LVRN: variants seen among roughly 807,000 people sequenced by gnomAD.
LVRN encodes the protein aminopeptidase Q.
Under a neutral mutation model 111.4 loss-of-function variants are expected in LVRN, and 99 were observed. The observed-to-expected ratio is 0.89, with a 90% CI of 0.76 to 1.05. The LOEUF (loss-of-function observed/expected upper bound fraction) is 1.05. LVRN is among the 50% of genes least tolerant of loss of function. The probability of loss-of-function intolerance (pLI) is 0.00; values close to 1 mark genes in which losing one functional copy is unlikely to be tolerated. For missense variants in LVRN, 1,414 were observed against 1,206.8 expected, an observed-to-expected ratio of 1.17 and a Z score of -2.54; for synonymous variants, 488 against 449.5, an observed-to-expected ratio of 1.09 and a Z score of -1.08.
intron 19 of LVRN, among the ~76,000 whole-genome samples, chr5:116,023,938 C>T (rs531192163): frequency 1.3e-5 from 2 of 152,198 alleles, no homozygotes; most frequent in East Asian, 3.9e-4. Context: ...GTAATATATC[C>T]ACATAATGGA....
In LVRN at chr5:115,987,939, G is replaced by A. The variant is rs370473265; in HGVS notation, c.1105G>A (p.Asp369Asn). 8 of 1,608,968 alleles carry A rather than the reference G, an allele frequency of 5.0e-6. No individual in the cohort carries two copies. The African/African-American group carries it at 1.1e-4, about 22-fold the overall frequency. Residue 369 changes from aspartate (D) to asparagine (N), a missense_variant and splice_region_variant, in exon 4 of 20, where the codon GAT becomes AAT. Physicochemically the swap from Asp to Asn is conservative, Grantham distance 23. Coordinates refer to ENST00000357872, the MANE Select transcript of LVRN (RefSeq NM_173800.5). ...TATCAGTTACTCTCTTCCAAAAACA[G>A]GTGAGGTAATCTTTTCCTTTCAGTG... ...FNISYSLPKT[D>N]IIALPSFDNH...
intron 3 of LVRN, 39 bp from the exon 4 acceptor site, chr5:115,987,774 A>T (rs1323739138): frequency 6.3e-7 from 1 of 1,591,014 alleles, no homozygotes. Flanking sequence ...CAAAATCACT[A>T]CTGGTTTTCC....
intron 4 of LVRN, among the ~76,000 whole-genome samples, chr5:115,989,656 C>G (rs1428656054): frequency 6.6e-6 from 1 of 152,156 alleles, no homozygotes; most frequent in Non-Finnish European, 1.5e-5. Flanking sequence ...ATACATGTGA[C>G]TAGTTCAGTA....
At chr5:116,020,003 T>C (rs1331032930) in intron 18 of LVRN, 1 of 152,334 alleles carries the variant, frequency 6.6e-6, no homozygotes, top group African/African-American at 2.4e-5. Flanking sequence ...ACATCGCCAA[T>C]AGCAGTGCAG....
chr5:115,987,510 C>G (rs569360399), intron 3 of LVRN, among the ~76,000 whole-genome samples: 1 of 152,246 alleles, frequency 6.6e-6, no homozygotes, highest in Non-Finnish European at 1.5e-5. Flanking sequence ...CCTATAGAAT[C>G]TACACTTACT....
intron 1 of LVRN, among the ~76,000 whole-genome samples, chr5:115,970,240 G>A (rs746959291): frequency 7.9e-5 from 12 of 151,992 alleles, no homozygotes; most frequent in Non-Finnish European, 1.8e-4. Flanking sequence ...CTACATCACT[G>A]TAACCTTCTT....
At chr5:115,963,387 C>G in intron 1 of LVRN, 75 bp downstream of exon 1, 2 of 1,261,736 alleles carry the variant, frequency 1.6e-6, no homozygotes, top group Non-Finnish European at 2.2e-6. Flanking sequence ...GTCCAGCTGA[C>G]TACCGTGTCC....
intron 13 of LVRN, among the ~76,000 whole-genome samples, chr5:116,009,983 A>T (rs76247030): frequency 6.6e-6 from 1 of 152,226 alleles, no homozygotes; most frequent in South Asian, 2.1e-4. Context: ...AGCATCGCAT[A>T]CTACAGAAAA....
chr5:115,991,971 G>T, intron 4 of LVRN, 152 bp from the exon 5 acceptor site: 1 of 617,544 alleles, frequency 1.6e-6, no homozygotes, highest in Non-Finnish European at 2.7e-6. Flanking sequence ...TTTTGTCTTT[G>T]GCATTAGTCT....
chr5:115,987,484 C>G (rs1293612696), intron 3 of LVRN, among the ~76,000 whole-genome samples: 2 of 151,748 alleles, frequency 1.3e-5, no homozygotes, highest in East Asian at 1.9e-4. Flanking sequence ...AGCAAGGGCC[C>G]AAAGTGCACA....
chr5:115,985,168 C>A (rs1467327553), intron 3 of LVRN, among the ~76,000 whole-genome samples: 1 of 152,148 alleles, frequency 6.6e-6, no homozygotes, highest in East Asian at 1.9e-4. Flanking sequence ...GGAACAACTG[C>A]TATGGCTGAA....
intron 1 of LVRN, chr5:115,975,132 A>T (rs778472657): frequency 3.3e-5 from 14 of 419,948 alleles, no homozygotes; most frequent in Non-Finnish European, 5.9e-5. Context: ...TTCAAATAAG[A>T]TTGTATGAGT....
intron 1 of LVRN, among the ~76,000 whole-genome samples, chr5:115,972,989 T>C (rs1302963614): frequency 1.3e-5 from 2 of 151,942 alleles, no homozygotes; most frequent in Non-Finnish European, 2.9e-5. Context: ...AGTGCAGTGG[T>C]GCAATCACAG....
intron 12 of LVRN, 147 bp downstream of exon 12, chr5:116,003,527 C>T: frequency 4.5e-6 from 2 of 446,784 alleles, no homozygotes; most frequent in Non-Finnish European, 7.5e-6. Flanking sequence ...TTTTCTTATT[C>T]TTAACAAGTG....
chr5:116,003,595 T>G (rs1748289190), intron 12 of LVRN, among the ~76,000 whole-genome samples: 2 of 150,862 alleles, frequency 1.3e-5, no homozygotes, highest in Middle Eastern at 3.2e-3. Context: ...TTGTTTTTTT[T>G]TTTTGAGACG....
In LVRN at chr5:115,983,271, C is replaced by T. The variant is rs779784674; in HGVS notation, c.696-16C>T. ...GAAATAAAAATAAATAAAAATTTCCCCAAAATGTATTTCAGGGCCCTGTTA... is the reference window on the plus strand; with the variant it reads ...GAAATAAAAATAAATAAAAATTTCCTCAAAATGTATTTCAGGGCCCTGTTA... On this transcript the variant is annotated splice_polypyrimidine_tract_variant and intron_variant, in intron 1 of 19. Transcript: ENST00000357872. 1 of 1,537,520 alleles carries T rather than the reference C, an allele frequency of 6.5e-7. No homozygotes were observed. Among genetic ancestry groups the T allele is most frequent in the Non-Finnish European group, 8.7e-7 (1 of 1,147,940 alleles).
rs150283228 is a variant in LVRN at position 115,962,741 on chromosome 5, C to A, written c.124C>A (p.Arg42Ser). The A allele has an allele frequency of 1.3e-5, 21 of 1,612,104 alleles. No individual in the cohort carries two copies. Among genetic ancestry groups the A allele is most frequent in the Non-Finnish European group, 1.6e-5 (19 of 1,179,532 alleles). The change falls in exon 1 of 20, where the codon CGC becomes AGC. Residue 42 changes from arginine to serine, a missense_variant. By Grantham distance (110) the Arg-to-Ser change is moderately radical. Transcript: ENST00000357872. ...VLAALYGHCE[R>S]VPPSELPGLR... ...CGCCGCCTTGTACGGCCACTGCGAG[C>A]GCGTCCCACCGTCGGAGCTGCCTGG...
chr5:116,021,187 T>G (rs11954777), intron 18 of LVRN: 56,436 of 152,056 alleles, frequency 0.37, 11,154 homozygotes, highest in Middle Eastern at 0.46. Context: ...TTTTTACAAT[T>G]TATAAATTGC....
At chr5:115,984,814 TC>T in intron 3 of LVRN, 105 bp downstream of exon 3, 11 of 1,447,380 alleles carry the variant, frequency 7.6e-6, no homozygotes, top group Non-Finnish European at 1.0e-5. Context: ...CCAAATCGCT[TC>T]CTAGTTCTCT....
Sources: gnomAD v4.1 joint callset for allele counts (sites outside exome capture counted in the v4.1 genomes callset) on GRCh38, gnomAD v4.1.1 for gene constraint, MANE v1.5 for transcripts, NCBI Gene and HGNC (gene_info 2026-07-23, HGNC 2026-07-21) for gene names.